Variants in NEK10 observed in about 807,000 individuals in gnomAD.
The protein encoded by NEK10 is serine/threonine-protein kinase Nek10.
In NEK10, 122 loss-of-function variants were observed where a neutral mutation model predicts 159.8. That is an observed-to-expected ratio of 0.76 (90% CI 0.66 to 0.89). NEK10 has a LOEUF of 0.89. NEK10 is among the 40% of genes least tolerant of loss of function. The probability of loss-of-function intolerance (pLI) is 0.00; values close to 1 mark genes in which losing one functional copy is unlikely to be tolerated. For missense variants in NEK10, 1,342 were observed against 1,323.1 expected (o/e 1.01, Z -0.22); for synonymous variants, 466 against 457.1 (o/e 1.02, Z -0.25).
chr3:27,268,683 TG>T, intron 22 of NEK10, among the ~76,000 whole-genome samples: 1 of 152,270 alleles, frequency 6.6e-6, no homozygotes, highest in Non-Finnish European at 1.5e-5. Context: ...TCAAGAGCTC[TG>T]GTGGATATGT....
At chr3:27,313,430 T>A (rs2044872670) in intron 7 of NEK10, among the ~76,000 whole-genome samples, 1 of 152,124 alleles carries the variant, frequency 6.6e-6, no homozygotes, top group South Asian at 2.1e-4. Flanking sequence ...TTGTCATCTA[T>A]TTATTAGTAT....
In NEK10 at chr3:27,107,219, A is replaced by G. The variant is rs940973504; in HGVS notation, c.*4053T>C. ...ACAACTATTGCCCATGAACTCAGAA[A>G]ATATGTAAATTGGCAATATCCATCA... On this transcript the variant is annotated 3_prime_UTR_variant, in exon 36 of 36. Coordinates refer to ENST00000691995, the MANE Select transcript of NEK10 (RefSeq NM_001394966.1). 6.6e-6 allele frequency among the ~76,000 whole-genome samples: 1 copy of G among 152,140 alleles called. No individual in the cohort carries two copies. Among genetic ancestry groups the G allele is most frequent in the Non-Finnish European group, 1.5e-5 (1 of 68,026 alleles).
chr3:27,111,072 G>A lies in NEK10; in HGVS notation c.*200C>T, dbSNP rs1449077162. On this transcript the variant is annotated 3_prime_UTR_variant, in exon 36 of 36. Coordinates refer to ENST00000691995, the MANE Select transcript of NEK10 (RefSeq NM_001394966.1). ...TGACATCCTGTATATAATGTGTTCT[G>A]GCAATGAAGCCCTCAAGTACCGCAG... The A allele has an allele frequency of 9.4e-6, 4 of 423,336 alleles. No homozygotes were observed. The highest frequency in any genetic ancestry group is 1.3e-5 in the Non-Finnish European group (3 of 237,738). 26.2% of individuals were successfully genotyped at this position (423,336 alleles called of 1,614,324 possible).
At position 27,160,190 on chromosome 3, in the gene NEK10, G is replaced by A. The variant is rs576345551; in HGVS notation, c.2869+2511C>T. On this transcript the variant is annotated intron_variant, in intron 30 of 35. Coordinates refer to ENST00000691995, the MANE Select transcript of NEK10 (RefSeq NM_001394966.1). ...ATAACAAATGCTTAAGGTATAACTC[G>A]CTACTGACAGGACCAACAACGTCTC... Among the ~76,000 whole-genome samples the A allele has an allele frequency of 7.9e-5, 12 of 152,064 alleles. No individual in the cohort carries two copies. In the South Asian group the frequency reaches 1.5e-3, roughly 18 times the overall value.
chr3:27,198,753 T>C (rs1429083924), intron 25 of NEK10, among the ~76,000 whole-genome samples: 2 of 152,056 alleles, frequency 1.3e-5, no homozygotes, highest in South Asian at 2.1e-4. Flanking sequence ...AAAGATTTCA[T>C]GACAAAGATA....
chr3:27,189,695 T>C, intron 26 of NEK10, among the ~76,000 whole-genome samples: 1 of 152,178 alleles, frequency 6.6e-6, no homozygotes, highest in East Asian at 1.9e-4. Context: ...ATACTGTCTT[T>C]TGATGAAATG....
At chr3:27,264,921 TAAATA>T (rs1324856711) in intron 22 of NEK10, among the ~76,000 whole-genome samples, 2 of 149,310 alleles carry the variant, frequency 1.3e-5, no homozygotes, top group Non-Finnish European at 3.0e-5. Flanking sequence ...AATAAATAAA[TAAATA>T]AATAAATAAA....
intron 28 of NEK10, among the ~76,000 whole-genome samples, chr3:27,172,245 GA>G (rs1947062643): frequency 6.9e-6 from 1 of 145,150 alleles, no homozygotes; most frequent in South Asian, 2.3e-4. Context: ...TAAGGCAGGA[GA>G]ATCGCTTGAA....
chr3:27,320,616 G>C (rs1647113624), intron 6 of NEK10, among the ~76,000 whole-genome samples: 1 of 152,140 alleles, frequency 6.6e-6, no homozygotes. Context: ...ACACAGTTCT[G>C]TATGGTTGGT....
chr3:27,310,345 T>A (rs1465076224), intron 9 of NEK10: 2 of 152,212 alleles, frequency 1.3e-5, no homozygotes. Flanking sequence ...AATGTTGACC[T>A]GTGTATCACC....
At chr3:27,303,583 T>C (rs2044001619) in intron 12 of NEK10, among the ~76,000 whole-genome samples, 1 of 152,240 alleles carries the variant, frequency 6.6e-6, no homozygotes, top group Non-Finnish European at 1.5e-5. Context: ...AAGTAATTGA[T>C]ATTTTTATGT....
intron 1 of NEK10, among the ~76,000 whole-genome samples, chr3:27,358,914 T>A (rs1419152872): frequency 6.6e-6 from 1 of 152,158 alleles, no homozygotes; most frequent in Non-Finnish European, 1.5e-5. Context: ...ACTTATAAAG[T>A]AATAACAGGC....
intron 15 of NEK10, 86 bp from the exon 16 acceptor site, chr3:27,293,738 T>C: frequency 1.4e-6 from 1 of 710,924 alleles, no homozygotes; most frequent in Non-Finnish European, 2.3e-6. Context: ...GAAGTAAACA[T>C]TAACGTGACT....
intron 30 of NEK10, chr3:27,162,134 A>C: frequency 7.6e-6 from 2 of 263,454 alleles, no homozygotes; most frequent in South Asian, 8.0e-5. Context: ...TAGAGTTTAC[A>C]GAAATACCTA....
intron 35 of NEK10, among the ~76,000 whole-genome samples, chr3:27,115,354 G>A (rs1001781768): frequency 5.9e-5 from 9 of 152,108 alleles, no homozygotes; most frequent in African/African-American, 1.7e-4. Context: ...TATAAAAATT[G>A]ATGCAATTGA....
intron 13 of NEK10, among the ~76,000 whole-genome samples, chr3:27,298,229 G>A (rs117625110): frequency 3.0e-4 from 46 of 152,226 alleles, no homozygotes; most frequent in Middle Eastern, 6.8e-3. Context: ...GGAGGAACCC[G>A]GTGTGAAGTG....
chr3:27,148,020 TAAG>T (rs925173556), intron 30 of NEK10, among the ~76,000 whole-genome samples: 179 of 152,250 alleles, frequency 1.2e-3, no homozygotes, highest in African/African-American at 3.6e-3. Context: ...TAAAAAATAA[TAAG>T]TAGTTATATA....
chr3:27,366,739 A>G (rs771484894), intron 1 of NEK10, among the ~76,000 whole-genome samples: 4 of 152,148 alleles, frequency 2.6e-5, no homozygotes, highest in Non-Finnish European at 4.4e-5. Flanking sequence ...TGACTGAATC[A>G]AAAGATTGAT....
At chr3:27,186,089 G>A (rs1009889177) in intron 26 of NEK10, among the ~76,000 whole-genome samples, 2 of 152,312 alleles carry the variant, frequency 1.3e-5, no homozygotes, top group Admixed American at 6.5e-5. Flanking sequence ...TGGACTTGCC[G>A]AGCATAAGTA....
Sources: allele counts gnomAD v4.1 joint callset (sites outside exome capture counted in the v4.1 genomes callset), GRCh38; gene constraint gnomAD v4.1.1; transcripts MANE v1.5; gene names NCBI Gene and HGNC (gene_info 2026-07-23, HGNC 2026-07-21).